Variants in KLF15 observed in about 807,000 individuals in gnomAD.
KLF15 encodes Krueppel-like factor 15.
In KLF15, 4 loss-of-function variants were observed where a neutral mutation model predicts 24.6. The observed-to-expected ratio is 0.16, with a 90% CI of 0.08 to 0.37. KLF15 has a LOEUF of 0.37. Among genes scored for constraint, KLF15 ranks in the 10% least tolerant of loss-of-function variants. KLF15 has a pLI of 1.00. For synonymous variants in KLF15, 246 were observed against 236.3 expected (o/e 1.04, Z -0.37); for missense variants, 496 against 560.6 (o/e 0.88, Z 1.16).
At chr3:126,328,141 TCA>T in the KLF15 span, among the ~76,000 whole-genome samples, 3 of 151,582 alleles carry the variant, frequency 2.0e-5, no homozygotes, top group African/African-American at 7.3e-5. Context: ...CTTTGTATCC[TCA>T]TAGCTTAGCT....
the KLF15 span, among the ~76,000 whole-genome samples, chr3:126,294,982 C>G: frequency 1.6e-4 from 24 of 152,034 alleles, no homozygotes; most frequent in Middle Eastern, 3.4e-3. Context: ...TGCATATATA[C>G]ATACGTCTAT....
chr3:126,304,461 A>C, the KLF15 span, among the ~76,000 whole-genome samples: 1 of 152,132 alleles, frequency 6.6e-6, no homozygotes. Context: ...TCTTCTCCTA[A>C]CCTCAGTTCG....
In KLF15 at chr3:126,343,687, G is replaced by A; in HGVS notation, c.*40C>T. On this transcript the variant is annotated 3_prime_UTR_variant, in exon 3 of 3. Transcript: ENST00000296233. The stretch of plus-strand genomic sequence containing the variant: ...TGCTTAAAAAAATGGGGATGGGGTG[G>A]GGATCCGGGGTGACGGACAGGCTGG... 6.4e-7 allele frequency: 1 copy of A among 1,571,530 alleles called. No individual in the cohort carries two copies. Among genetic ancestry groups the A allele is most frequent in the Non-Finnish European group, 8.6e-7 (1 of 1,162,282 alleles).
the KLF15 span, among the ~76,000 whole-genome samples, chr3:126,290,495 T>TCTTCCTTC: frequency 3.7e-4 from 40 of 107,170 alleles, no homozygotes; most frequent in African/African-American, 1.6e-3. Flanking sequence ...TTCCTTCCTT[T>TCTTCCTTC]CTTCCTTCCT....
At chr3:126,354,851 C>T (rs1348049103) in intron 1 of KLF15, among the ~76,000 whole-genome samples, 1 of 152,224 alleles carries the variant, frequency 6.6e-6, no homozygotes, top group African/African-American at 2.4e-5. Flanking sequence ...CAGGTGACCT[C>T]AGGCAGGTGC....
At position 126,352,356 on chromosome 3, in the gene KLF15, T is replaced by A. The variant is rs2082591302; in HGVS notation, c.567A>T (p.Arg189Ser). The A allele has an allele frequency of 1.2e-6, 2 of 1,602,320 alleles. No individual in the cohort carries two copies. The highest frequency in any genetic ancestry group is 1.7e-6 in the Non-Finnish European group (2 of 1,174,770). The change falls in exon 2 of 3, where the codon AGA becomes AGT. Residue 189 changes from arginine to serine, a missense_variant. Physicochemically the swap from Arg to Ser is moderately radical, Grantham distance 110. Around this residue, in one of 3 missense-constraint regions of KLF15, gnomAD observed 399 missense variants for 423.1 expected, o/e 0.94. Transcript: ENST00000296233. ...KSHLHPGSSG[R>S]ERCSPPPGGA... Reference sequence around the variant, plus strand: ...CACCTGGTGGAGGGGAACAGCGCTCTCTCCCGCTGGACCCAGGATGGAGGT... The same window carrying A: ...CACCTGGTGGAGGGGAACAGCGCTCACTCCCGCTGGACCCAGGATGGAGGT...
chr3:126,339,777 C>A (rs561720938), downstream of KLF15, among the ~76,000 whole-genome samples: 1 of 152,342 alleles, frequency 6.6e-6, no homozygotes, highest in South Asian at 2.1e-4. Context: ...CCCTCTCCAC[C>A]TCCCGGCTCT....
the KLF15 span, among the ~76,000 whole-genome samples, chr3:126,329,111 A>T: frequency 6.6e-6 from 1 of 152,186 alleles, no homozygotes; most frequent in South Asian, 2.1e-4. Context: ...GTACCTTTAT[A>T]ATTGTGTGTT....
the KLF15 span, among the ~76,000 whole-genome samples, chr3:126,311,678 A>G: frequency 6.6e-6 from 1 of 152,354 alleles, no homozygotes; most frequent in East Asian, 1.9e-4. Flanking sequence ...TACATCCTCC[A>G]ACCTTCACTA....
chr3:126,320,922 G>A, the KLF15 span, among the ~76,000 whole-genome samples: 1 of 152,124 alleles, frequency 6.6e-6, no homozygotes, highest in Non-Finnish European at 1.5e-5. Context: ...AACACCCTCA[G>A]CTGCAGGGTC....
chr3:126,348,125 G>T (rs913837743), intron 2 of KLF15, among the ~76,000 whole-genome samples: 15 of 152,194 alleles, frequency 9.9e-5, no homozygotes, highest in Non-Finnish European at 8.8e-5. Flanking sequence ...GCAGAGGGAG[G>T]TCCCTGATTC....
At chr3:126,303,623 T>C in the KLF15 span, among the ~76,000 whole-genome samples, 2 of 152,110 alleles carry the variant, frequency 1.3e-5, no homozygotes, top group East Asian at 1.9e-4. Context: ...TTTTTCTTTA[T>C]GTTTCTTGTG....
At chr3:126,297,661 T>C in the KLF15 span, among the ~76,000 whole-genome samples, 1 of 152,222 alleles carries the variant, frequency 6.6e-6, no homozygotes, top group Non-Finnish European at 1.5e-5. Context: ...CGCATCCTCA[T>C]AGCTTAGCTC....
the KLF15 span, among the ~76,000 whole-genome samples, chr3:126,297,189 T>C: frequency 6.6e-6 from 1 of 152,142 alleles, no homozygotes; most frequent in African/African-American, 2.4e-5. Flanking sequence ...CTGTTTTATA[T>C]TTGCTTAAAG....
At chr3:126,348,610 G>A (rs2082556592) in intron 2 of KLF15, among the ~76,000 whole-genome samples, 1 of 152,216 alleles carries the variant, frequency 6.6e-6, no homozygotes, top group Admixed American at 6.5e-5. Context: ...CACTTTACCA[G>A]GCAGTTACAA....
chr3:126,334,057 C>T, the KLF15 span, among the ~76,000 whole-genome samples: 1 of 152,110 alleles, frequency 6.6e-6, no homozygotes, highest in Admixed American at 6.5e-5. Context: ...GAACTCAGCT[C>T]TGCACCAAGT....
At chr3:126,327,636 G>T in the KLF15 span, among the ~76,000 whole-genome samples, 1 of 152,164 alleles carries the variant, frequency 6.6e-6, no homozygotes, top group East Asian at 1.9e-4. Context: ...GCTGCTGGGG[G>T]CATTGTTGTC....
the KLF15 span, among the ~76,000 whole-genome samples, chr3:126,316,397 G>T: frequency 1.2e-5 from 1 of 81,196 alleles, no homozygotes; most frequent in Non-Finnish European, 2.4e-5. Flanking sequence ...CTGGAGCAGC[G>T]CTGGGCATCC....
At chr3:126,354,899 G>C (rs998819784) in intron 1 of KLF15, among the ~76,000 whole-genome samples, 1 of 152,210 alleles carries the variant, frequency 6.6e-6, no homozygotes, top group African/African-American at 2.4e-5. Context: ...GTGAGATGGG[G>C]GTGCTTCCAA....
Sources: gnomAD v4.1 joint callset for allele counts (sites outside exome capture counted in the v4.1 genomes callset) on GRCh38, gnomAD v4.1.1 for gene constraint, gnomAD v4.1.1 regional missense constraint, MANE v1.5 for transcripts, NCBI Gene and HGNC (gene_info 2026-07-23, HGNC 2026-07-21) for gene names.